SESTD1: variants seen among roughly 807,000 people sequenced by gnomAD.
SESTD1 encodes the protein SEC14 domain and spectrin repeat-containing protein 1.
In SESTD1, 43 loss-of-function variants were observed where a neutral mutation model predicts 101.7. The observed-to-expected ratio is 0.42, with a 90% confidence interval of 0.33 to 0.55. SESTD1 has a LOEUF of 0.55. SESTD1 is among the 20% of genes least tolerant of loss of function. The probability of loss-of-function intolerance (pLI) is 0.07; values close to 1 mark genes in which losing one functional copy is unlikely to be tolerated. For missense variants in SESTD1, 647 were observed against 815.1 expected, an observed-to-expected ratio of 0.79 and a Z score of 2.51; for synonymous variants, 283 against 286.8, an observed-to-expected ratio of 0.99 and a Z score of 0.13.
chr2:179,143,714 CAAG>C lies in SESTD1; in HGVS notation c.724_726del (p.Leu242del). On this transcript the variant is annotated inframe_deletion, in exon 9 of 18. Transcript: ENST00000428443. ...AATAATTTCATAACCTGTGGCTGTG[CAAG>C]AAGTTCATCATCCATAGGAGACCAT... 1 of 1,613,930 alleles carries C rather than the reference CAAG, an allele frequency of 6.2e-7. No individual in the cohort carries two copies. Among genetic ancestry groups the C allele is most frequent in the Non-Finnish European group, 8.5e-7 (1 of 1,179,916 alleles).
At chr2:179,244,206 C>T (rs2047196546) in intron 1 of SESTD1, among the ~76,000 whole-genome samples, 2 of 151,982 alleles carry the variant, frequency 1.3e-5, no homozygotes, top group Admixed American at 1.3e-4. Flanking sequence ...CCTGTAATCC[C>T]AGCACTTTGT....
chr2:179,154,756 GAAGTT>G (rs1031160564), intron 5 of SESTD1, among the ~76,000 whole-genome samples: 5 of 152,102 alleles, frequency 3.3e-5, no homozygotes, highest in African/African-American at 9.7e-5. Flanking sequence ...ACGAGAAAGA[GAAGTT>G]AAGATTAAAA....
intron 9 of SESTD1, among the ~76,000 whole-genome samples, chr2:179,135,802 AGTC>A (rs1019923832): frequency 6.6e-6 from 1 of 152,214 alleles, no homozygotes; most frequent in African/African-American, 2.4e-5. Flanking sequence ...AAAACAAAAA[AGTC>A]AAAGTATTAT....
chr2:179,245,648 G>A (rs1263502454), intron 1 of SESTD1, among the ~76,000 whole-genome samples: 1 of 150,954 alleles, frequency 6.6e-6, no homozygotes, highest in Non-Finnish European at 1.5e-5. Context: ...GATGGCACCA[G>A]TGCACTCCAG....
Position 179,132,371 on chromosome 2 carries a change from A to T in SESTD1, c.905T>A (p.Ile302Asn). ...CTGGGAGGCCCTAATGGAGTCTCCA[A>T]TGCCCCACTGGGCTCTTAGTTGTTC... ...GSEQLRAQWG[I>N]GDSIRASQAL... The change falls in exon 10 of 18, where the codon ATT (isoleucine) becomes AAT (asparagine). Residue 302 changes from isoleucine (I) to asparagine (N), a missense_variant. By Grantham distance (149) the Ile-to-Asn change is moderately radical. Around this residue, in one of 3 missense-constraint regions of SESTD1, gnomAD observed 476 missense variants for 562.6 expected, o/e 0.85. Coordinates refer to ENST00000428443, the MANE Select transcript of SESTD1 (RefSeq NM_178123.5). The T allele has an allele frequency of 6.4e-7, 1 of 1,572,990 alleles. No homozygotes were observed. Among genetic ancestry groups the T allele is most frequent in the Non-Finnish European group, 8.6e-7 (1 of 1,167,428 alleles).
At chr2:179,181,544 C>G (rs1430841088) in intron 3 of SESTD1, among the ~76,000 whole-genome samples, 1 of 152,106 alleles carries the variant, frequency 6.6e-6, no homozygotes, top group Admixed American at 6.6e-5. Context: ...TGAGATGCAA[C>G]TACACTGAAT....
rs1244533581 is a variant in SESTD1, at chr2:179,102,294, T to G, written c.*7605A>C. On this transcript the variant is annotated 3_prime_UTR_variant, in exon 18 of 18. Transcript: ENST00000428443. ...TTTCAGAATATACAAGTTACATTTT[T>G]GATTTAATGAAAGGTTTTAGGTAAC... 1 of 152,176 alleles carries G rather than the reference T, an allele frequency of 6.6e-6. No homozygotes were observed. Among genetic ancestry groups the G allele is most frequent in the East Asian group, 1.9e-4 (1 of 5,204 alleles). The allele number at this position is 152,176 out of a possible 1,614,324, so 9.4% of individuals were successfully genotyped here. A position where few individuals can be genotyped will look rare whatever the true frequency, so the allele number is the denominator to read the frequency against.
intron 1 of SESTD1, among the ~76,000 whole-genome samples, chr2:179,237,018 T>A (rs969672171): frequency 6.6e-6 from 1 of 151,992 alleles, no homozygotes; most frequent in Admixed American, 6.6e-5. Flanking sequence ...ATTTTCTTGA[T>A]CTAAAACCAA....
At chr2:179,111,260 A>C (rs1381016091) in intron 17 of SESTD1, among the ~76,000 whole-genome samples, 2 of 152,226 alleles carry the variant, frequency 1.3e-5, no homozygotes, top group African/African-American at 2.4e-5. Context: ...AGATAACGTA[A>C]GTATAGACTA....
chr2:179,134,931 GGTTT>G (rs1216484202), intron 9 of SESTD1, among the ~76,000 whole-genome samples: 1 of 151,942 alleles, frequency 6.6e-6, no homozygotes, highest in Non-Finnish European at 1.5e-5. Flanking sequence ...ACAAACTATT[GGTTT>G]TTTTGTTGTT....
Position 179,172,108 on chromosome 2 carries a change from G to A in SESTD1, c.369+12C>T, listed in dbSNP as rs571282844. Reference sequence around the variant, plus strand: ...AGATATAATGGACTTTAAAAAAAGAGATTACATTTACCTCAAAGCCAAGTC... The same window carrying A: ...AGATATAATGGACTTTAAAAAAAGAAATTACATTTACCTCAAAGCCAAGTC... On this transcript the variant is annotated intron_variant, in intron 5 of 17. Transcript: ENST00000428443. The A allele has an allele frequency of 6.7e-7, 1 of 1,499,426 alleles. No individual in the cohort carries two copies. The highest frequency in any genetic ancestry group is 2.3e-5 in the East Asian group (1 of 44,180). The allele number at this position is 1,499,426 out of a possible 1,614,324, so 92.9% of individuals were successfully genotyped here.
intron 1 of SESTD1, among the ~76,000 whole-genome samples, chr2:179,240,769 G>C (rs1184835896): frequency 6.6e-6 from 1 of 151,986 alleles, no homozygotes; most frequent in African/African-American, 2.4e-5. Context: ...ACACCCCTCA[G>C]GAGTGTGAAG....
At chr2:179,245,259 G>A (rs1190880226) in intron 1 of SESTD1, among the ~76,000 whole-genome samples, 1 of 152,072 alleles carries the variant, frequency 6.6e-6, no homozygotes, top group Non-Finnish European at 1.5e-5. Flanking sequence ...GCTCACGCCT[G>A]TAATCCCAGC....
Position 179,264,619 on chromosome 2 carries a change from C to G in SESTD1, c.-146G>C, listed in dbSNP as rs1559168892. 1 of 152,092 alleles carries G rather than the reference C, an allele frequency of 6.6e-6. No individual in the cohort carries two copies. Among genetic ancestry groups the G allele is most frequent in the East Asian group, 1.9e-4 (1 of 5,164 alleles). The allele number at this position is 152,092 out of a possible 1,614,324, so 9.4% of individuals were successfully genotyped here. ...GGAGGAAGGCGGGCTGGGGGCGGAGCGGGCCCGGGCGGCGGCGGCAGCAGC... is the reference window on the plus strand; with the variant it reads ...GGAGGAAGGCGGGCTGGGGGCGGAGGGGGCCCGGGCGGCGGCGGCAGCAGC... On this transcript the variant is annotated 5_prime_UTR_variant, in exon 1 of 18. Coordinates refer to ENST00000428443, the MANE Select transcript of SESTD1 (RefSeq NM_178123.5).
chr2:179,228,012 T>A (rs1402852445), intron 1 of SESTD1, among the ~76,000 whole-genome samples: 1 of 152,188 alleles, frequency 6.6e-6, no homozygotes, highest in African/African-American at 2.4e-5. Flanking sequence ...TTGGTCTCAC[T>A]GCTTAAAGAA....
intron 1 of SESTD1, among the ~76,000 whole-genome samples, chr2:179,255,983 G>C (rs1213309615): frequency 6.6e-6 from 1 of 151,602 alleles, no homozygotes; most frequent in East Asian, 1.9e-4. Flanking sequence ...ATGGTTTACT[G>C]AATCTTTTAA....
intron 15 of SESTD1, among the ~76,000 whole-genome samples, chr2:179,115,788 A>G (rs1013135350): frequency 6.6e-6 from 1 of 151,716 alleles, no homozygotes; most frequent in African/African-American, 2.4e-5. Flanking sequence ...ATTAGAAAAA[A>G]GTCTCCTTCT....
chr2:179,199,087 A>T (rs140709573), intron 1 of SESTD1, among the ~76,000 whole-genome samples: 1 of 151,978 alleles, frequency 6.6e-6, no homozygotes, highest in Admixed American at 6.6e-5. Context: ...AAGAGAGAAG[A>T]ATCAAATAGA....
intron 3 of SESTD1, among the ~76,000 whole-genome samples, chr2:179,180,060 T>C (rs1177973984): frequency 6.6e-6 from 1 of 152,200 alleles, no homozygotes; most frequent in East Asian, 1.9e-4. Context: ...TCATGCTTTG[T>C]TTTCATAGCA....
Sources: gnomAD v4.1 joint callset for allele counts (sites outside exome capture counted in the v4.1 genomes callset) on GRCh38, gnomAD v4.1.1 for gene constraint, gnomAD v4.1.1 regional missense constraint, MANE v1.5 for transcripts, NCBI Gene and HGNC (gene_info 2026-07-23, HGNC 2026-07-21) for gene names.